Variants in SLC24A3 observed in about 807,000 individuals in gnomAD.
SLC24A3 encodes sodium/potassium/calcium exchanger 3.
A neutral mutation model predicts 75.8 loss-of-function variants in SLC24A3; 28 were observed. That is an observed-to-expected ratio of 0.37 (90% CI 0.27 to 0.51). SLC24A3 has a LOEUF of 0.51. Ranked by LOEUF, SLC24A3 falls within the 20% of genes least tolerant of loss-of-function variation. The pLI, the probability that SLC24A3 is intolerant of heterozygous loss-of-function variation, is 0.94. For synonymous variants in SLC24A3, 372 were observed against 334.1 expected, an observed-to-expected ratio of 1.11 and a Z score of -1.24; for missense variants, 663 against 847.8, an observed-to-expected ratio of 0.78 and a Z score of 2.71.
chr20:19,501,576 C>G lies in SLC24A3; in HGVS notation c.272-13912C>G, dbSNP rs1024069852. 4.6e-5 allele frequency among the ~76,000 whole-genome samples: 7 copies of G among 152,348 alleles called. 1 individual carries two copies. The highest frequency in any genetic ancestry group is 1.3e-4 in the Admixed American group (2 of 15,298). On this transcript the variant is annotated intron_variant, in intron 2 of 16. Transcript: ENST00000328041. ...GGAAAGTAGAACACAATTTTACCTT[C>G]TTGGCTGTAACTGGTTTCCAATATC...
chr20:19,294,901 C>A (rs913912211), intron 2 of SLC24A3, among the ~76,000 whole-genome samples: 1 of 152,184 alleles, frequency 6.6e-6, no homozygotes, highest in Non-Finnish European at 1.5e-5. Flanking sequence ...ACATTCCCAC[C>A]AACAGTGTAA....
chr20:19,679,441 G>A (rs2032580726), intron 9 of SLC24A3, among the ~76,000 whole-genome samples: 1 of 152,142 alleles, frequency 6.6e-6, no homozygotes, highest in Admixed American at 6.5e-5. Context: ...GCAGTGAGCC[G>A]AGATGGCAGC....
intron 2 of SLC24A3, among the ~76,000 whole-genome samples, chr20:19,336,496 A>T (rs1172229103): frequency 6.6e-6 from 1 of 151,962 alleles, no homozygotes; most frequent in Non-Finnish European, 1.5e-5. Flanking sequence ...AGCGATTCTC[A>T]TCCCTCAGCT....
intron 2 of SLC24A3, among the ~76,000 whole-genome samples, chr20:19,305,179 G>T (rs1984294329): frequency 6.6e-6 from 1 of 152,100 alleles, no homozygotes; most frequent in Admixed American, 6.5e-5. Flanking sequence ...CCCAGAGTTA[G>T]TTTCCTTGAC....
At chr20:19,215,261 A>C (rs1981522919) in intron 1 of SLC24A3, among the ~76,000 whole-genome samples, 1 of 152,192 alleles carries the variant, frequency 6.6e-6, no homozygotes. Context: ...CAGATACTGA[A>C]GTTTGGAATG....
rs6112390 is a variant in SLC24A3 at position 19,456,977 on chromosome 20, C to G, written c.272-58511C>G. On this transcript the variant is annotated intron_variant, in intron 2 of 16. Coordinates refer to ENST00000328041, the MANE Select transcript of SLC24A3 (RefSeq NM_020689.4). The stretch of plus-strand genomic sequence containing the variant: ...GACTTGGAAGCTTAAATATTAGAGC[C>G]TGAGCTTTCTCTTGGGATTAATATA... Among the ~76,000 whole-genome samples, 74 of 152,286 alleles carry G rather than the reference C, an allele frequency of 4.9e-4. No homozygotes were observed. The Middle Eastern group carries it at 0.01, about 21-fold the overall frequency.
intron 1 of SLC24A3, among the ~76,000 whole-genome samples, chr20:19,254,827 G>T (rs912032290): frequency 6.6e-6 from 1 of 152,194 alleles, no homozygotes; most frequent in Non-Finnish European, 1.5e-5. Flanking sequence ...TCAGGAACCT[G>T]CATCCTAGAG....
At chr20:19,288,617 T>C (rs16980299) in intron 2 of SLC24A3, among the ~76,000 whole-genome samples, 10,914 of 152,256 alleles carry the variant, frequency 0.072, 784 homozygotes, top group African/African-American at 0.18. Flanking sequence ...TTGGAATAAA[T>C]ACCTCAAGGT....
chr20:19,398,992 G>A (rs1986504462), intron 2 of SLC24A3, among the ~76,000 whole-genome samples: 1 of 151,958 alleles, frequency 6.6e-6, no homozygotes, highest in Non-Finnish European at 1.5e-5. Flanking sequence ...AGTAGATGAG[G>A]GCTATTCAAA....
chr20:19,338,739 A>G (rs1168202520), intron 2 of SLC24A3, among the ~76,000 whole-genome samples: 1 of 152,170 alleles, frequency 6.6e-6, no homozygotes, highest in Non-Finnish European at 1.5e-5. Context: ...TTACATCAAT[A>G]GAATAGGAGT....
intron 13 of SLC24A3, chr20:19,695,747 A>G (rs531738476): frequency 2.0e-5 from 3 of 152,242 alleles, no homozygotes; most frequent in African/African-American, 7.2e-5. Context: ...AGATGTAGAA[A>G]CACAACATTT....
In SLC24A3 at chr20:19,526,193, T is replaced by C. The variant is rs187308598; in HGVS notation, c.348+10629T>C. 7.9e-5 allele frequency among the ~76,000 whole-genome samples: 12 copies of C among 152,322 alleles called. No individual in the cohort carries two copies. The East Asian group carries it at 2.3e-3, about 29-fold the overall frequency. On this transcript the variant is annotated intron_variant, in intron 3 of 16. Coordinates refer to ENST00000328041, the MANE Select transcript of SLC24A3 (RefSeq NM_020689.4). ...TTTGACTGGTCCCAAAGCACCCTTGTTCTCTTCAGTGCATTTCCTCCAGTG... is the reference window on the plus strand; with the variant it reads ...TTTGACTGGTCCCAAAGCACCCTTGCTCTCTTCAGTGCATTTCCTCCAGTG...
chr20:19,692,200 G>A (rs181268012), intron 12 of SLC24A3, among the ~76,000 whole-genome samples: 35 of 152,200 alleles, frequency 2.3e-4, no homozygotes, highest in African/African-American at 8.2e-4. Context: ...AATATAAAAT[G>A]GTTCAATCAT....
intron 1 of SLC24A3, among the ~76,000 whole-genome samples, chr20:19,254,231 C>CAGACT (rs11474791): frequency 1.3e-5 from 2 of 151,980 alleles, no homozygotes; most frequent in Admixed American, 6.6e-5. Context: ...TACTCCCGAC[C>CAGACT]CCAGAGTCTG....
intron 2 of SLC24A3, among the ~76,000 whole-genome samples, chr20:19,467,930 G>A (rs1005862178): frequency 6.6e-6 from 1 of 151,552 alleles, no homozygotes; most frequent in African/African-American, 2.4e-5. Flanking sequence ...GCATCCAGGA[G>A]CAGAGGTAAC....
chr20:19,519,710 C>A (rs778795866), intron 3 of SLC24A3, among the ~76,000 whole-genome samples: 15 of 152,160 alleles, frequency 9.9e-5, no homozygotes, highest in Non-Finnish European at 1.5e-5. Context: ...ATTCATTGAG[C>A]CTGTGCCAAG....
intron 3 of SLC24A3, among the ~76,000 whole-genome samples, chr20:19,570,964 G>A (rs148744458): frequency 1.9e-3 from 287 of 152,248 alleles, no homozygotes; most frequent in Non-Finnish European, 3.4e-3. Flanking sequence ...CTCCATAGAA[G>A]GGGATTTGAG....
chr20:19,551,151 A>G (rs755329129), intron 3 of SLC24A3, among the ~76,000 whole-genome samples: 1 of 152,224 alleles, frequency 6.6e-6, no homozygotes, highest in Non-Finnish European at 1.5e-5. Context: ...AGCCCGTTCC[A>G]TCTTTCCACT....
In SLC24A3 at chr20:19,484,948, G is replaced by A. The variant is rs562127399; in HGVS notation, c.272-30540G>A. On this transcript the variant is annotated intron_variant, in intron 2 of 16. Transcript: ENST00000328041. Reference sequence around the variant, plus strand: ...TCAGTCTCCTCGGTTATAAGCAAACGTGCAAATTAGTGCTACCCTGGACAG... The same window carrying A: ...TCAGTCTCCTCGGTTATAAGCAAACATGCAAATTAGTGCTACCCTGGACAG... Among the ~76,000 whole-genome samples, 5 of 152,216 alleles carry A rather than the reference G, an allele frequency of 3.3e-5. No homozygotes were observed. The South Asian group carries it at 8.3e-4, about 25-fold the overall frequency.
Sources: allele counts gnomAD v4.1 joint callset (sites outside exome capture counted in the v4.1 genomes callset), GRCh38; gene constraint gnomAD v4.1.1; transcripts MANE v1.5; gene names NCBI Gene and HGNC (gene_info 2026-07-23, HGNC 2026-07-21).